Variants in CNTN4 observed in about 807,000 individuals in gnomAD.
The protein encoded by CNTN4 is contactin 4, also known as contactin-4.
A neutral mutation model predicts 122.5 loss-of-function variants in CNTN4; 77 were observed. That is an observed-to-expected ratio of 0.63 (90% CI 0.52 to 0.76). The LOEUF (loss-of-function observed/expected upper bound fraction) is 0.76, where lower values mean the gene tolerates loss of function less well. CNTN4 is among the 30% of genes least tolerant of loss of function. The probability of loss-of-function intolerance (pLI) is 0.00; values close to 1 mark genes in which losing one functional copy is unlikely to be tolerated. For synonymous variants in CNTN4, 512 were observed against 447.0 expected (o/e 1.15, Z -1.83); for missense variants, 1,256 against 1,259.1 (o/e 1.00, Z 0.04).
At chr3:2,513,331 T>G (rs375638543) in intron 3 of CNTN4, among the ~76,000 whole-genome samples, 37 of 152,324 alleles carry the variant, frequency 2.4e-4, no homozygotes, top group African/African-American at 8.9e-4. Flanking sequence ...TTTTTCTGAC[T>G]ACTGCAAGTA....
rs749900447 is a variant in CNTN4, at chr3:3,040,195, G to C, written c.2322G>C (p.Glu774Asp). ...NESVHPFSPF[E>D]VKVGVFNNKG... The stretch of plus-strand genomic sequence containing the variant: ...GCGTGCACCCCTTCTCTCCCTTTGA[G>C]GTTAAAGTAGGTGTCTTCAACAACA... The change falls in exon 20 of 25, where the codon GAG (glutamate) becomes GAC (aspartate). Residue 774 changes from glutamate (E) to aspartate (D), a missense_variant. Transcript: ENST00000418658. The C allele has an allele frequency of 6.8e-6, 11 of 1,614,204 alleles. No individual in the cohort carries two copies. The highest frequency in any genetic ancestry group is 8.5e-6 in the Non-Finnish European group (10 of 1,180,028).
At chr3:2,474,719 G>T (rs1468603634) in intron 3 of CNTN4, among the ~76,000 whole-genome samples, 1 of 152,182 alleles carries the variant, frequency 6.6e-6, no homozygotes, top group African/African-American at 2.4e-5. Context: ...AATATAATTA[G>T]TACAAATCAA....
chr3:2,543,672 T>G (rs1322861322), intron 3 of CNTN4, among the ~76,000 whole-genome samples: 1 of 152,136 alleles, frequency 6.6e-6, no homozygotes, highest in Non-Finnish European at 1.5e-5. Context: ...CAGTATGCAT[T>G]TAGACGTTGC....
chr3:2,759,659 G>A (rs1359029481), intron 6 of CNTN4, among the ~76,000 whole-genome samples: 1 of 151,526 alleles, frequency 6.6e-6, no homozygotes, highest in Non-Finnish European at 1.5e-5. Context: ...AGTAGCTAGT[G>A]GAGTTACTGT....
At chr3:2,956,849 C>T (rs1168423844) in intron 13 of CNTN4, among the ~76,000 whole-genome samples, 2 of 152,092 alleles carry the variant, frequency 1.3e-5, no homozygotes, top group South Asian at 2.1e-4. Flanking sequence ...CTTCTACGAG[C>T]TCTACTTTTT....
At chr3:2,610,490 C>T (rs558431642) in intron 4 of CNTN4, among the ~76,000 whole-genome samples, 7 of 152,284 alleles carry the variant, frequency 4.6e-5, no homozygotes, top group South Asian at 4.1e-4. Flanking sequence ...GTAGCACCCT[C>T]GCCATTTCTG....
intron 13 of CNTN4, among the ~76,000 whole-genome samples, chr3:2,972,101 G>C (rs758043555): frequency 2.0e-5 from 3 of 152,118 alleles, no homozygotes; most frequent in Non-Finnish European, 4.4e-5. Flanking sequence ...TAATTATACA[G>C]ACCTCCTGAT....
intron 4 of CNTN4, among the ~76,000 whole-genome samples, chr3:2,691,512 C>G (rs908102843): frequency 2.0e-5 from 3 of 152,096 alleles, no homozygotes; most frequent in Non-Finnish European, 4.4e-5. Flanking sequence ...CAGTTCCAAG[C>G]TGAGTGAAAT....
chr3:2,570,346 A>G (rs1444843984), intron 3 of CNTN4, among the ~76,000 whole-genome samples: 3 of 151,634 alleles, frequency 2.0e-5, no homozygotes, highest in Non-Finnish European at 4.4e-5. Flanking sequence ...GCTGATTTTT[A>G]AAAATTTTCC....
At chr3:2,494,453 A>G (rs1427309775) in intron 3 of CNTN4, among the ~76,000 whole-genome samples, 1 of 152,112 alleles carries the variant, frequency 6.6e-6, no homozygotes, top group Non-Finnish European at 1.5e-5. Flanking sequence ...AGCAGAAGGA[A>G]ATATTTGTAG....
chr3:2,688,375 A>G (rs2149167622), intron 4 of CNTN4, among the ~76,000 whole-genome samples: 1 of 152,356 alleles, frequency 6.6e-6, no homozygotes, highest in Non-Finnish European at 1.5e-5. Flanking sequence ...TGTGAAAGGT[A>G]CGAGTCATGC....
intron 2 of CNTN4, among the ~76,000 whole-genome samples, chr3:2,192,548 G>A (rs1447968965): frequency 6.6e-6 from 1 of 152,108 alleles, no homozygotes; most frequent in Non-Finnish European, 1.5e-5. Context: ...CTGACAAAGG[G>A]CTAATATTCA....
chr3:2,469,438 C>A (rs2075611302), intron 3 of CNTN4, among the ~76,000 whole-genome samples: 1 of 152,076 alleles, frequency 6.6e-6, no homozygotes, highest in Admixed American at 6.5e-5. Context: ...GAACATGATG[C>A]CTTATTTCTT....
At chr3:2,471,099 T>C (rs1329386255) in intron 3 of CNTN4, among the ~76,000 whole-genome samples, 3 of 152,118 alleles carry the variant, frequency 2.0e-5, no homozygotes, top group Non-Finnish European at 4.4e-5. Context: ...GGACCAATCA[T>C]TGTGAGTCAA....
chr3:2,361,021 G>C, intron 3 of CNTN4, among the ~76,000 whole-genome samples: 1 of 152,130 alleles, frequency 6.6e-6, no homozygotes, highest in Middle Eastern at 3.2e-3. Flanking sequence ...TGTGGGTATT[G>C]CACAATGTAT....
intron 23 of CNTN4, among the ~76,000 whole-genome samples, chr3:3,050,288 T>TAA (rs1199781980): frequency 2.6e-5 from 4 of 151,450 alleles, no homozygotes; most frequent in African/African-American, 9.8e-5. Flanking sequence ...CATGTCTAAC[T>TAA]CAAAAAAAAT....
At chr3:2,636,550 C>A (rs1310942454) in intron 4 of CNTN4, among the ~76,000 whole-genome samples, 1 of 152,138 alleles carries the variant, frequency 6.6e-6, no homozygotes, top group Non-Finnish European at 1.5e-5. Flanking sequence ...AAAAGTCCTC[C>A]TTAATGCATT....
chr3:2,264,156 G>T (rs745423108), intron 2 of CNTN4, among the ~76,000 whole-genome samples: 7 of 152,116 alleles, frequency 4.6e-5, no homozygotes, highest in Non-Finnish European at 1.0e-4. Flanking sequence ...GGATCATATG[G>T]TAATTCTATT....
intron 2 of CNTN4, among the ~76,000 whole-genome samples, chr3:2,182,417 A>G (rs1446985241): frequency 6.6e-6 from 1 of 152,118 alleles, no homozygotes; most frequent in Non-Finnish European, 1.5e-5. Context: ...CTAGAGATCT[A>G]ACATTAGTTG....
Sources: allele counts gnomAD v4.1 joint callset (sites outside exome capture counted in the v4.1 genomes callset), GRCh38; gene constraint gnomAD v4.1.1; transcripts MANE v1.5; gene names NCBI Gene and HGNC (gene_info 2026-07-23, HGNC 2026-07-21).